Variants in FSTL5 observed in about 807,000 individuals in gnomAD.
FSTL5 encodes the protein follistatin like 5.
A neutral mutation model predicts 89.1 loss-of-function variants in FSTL5; 62 were observed. The ratio of observed to expected loss-of-function variants is 0.70; its 90% CI spans 0.57 to 0.86. The LOEUF is 0.86. FSTL5 is among the 40% of genes least tolerant of loss of function. The pLI is 0.00. For missense variants in FSTL5, 1,057 were observed against 1,001.6 expected, an observed-to-expected ratio of 1.06 and a Z score of -0.75; for synonymous variants, 383 against 346.2, an observed-to-expected ratio of 1.11 and a Z score of -1.18.
intron 2 of FSTL5, among the ~76,000 whole-genome samples, chr4:162,066,367 TCTTCTC>T (rs1561000600): frequency 3.1e-4 from 43 of 136,556 alleles, no homozygotes; most frequent in East Asian, 1.5e-3. Flanking sequence ...TTCTTCTTCT[TCTTCTC>T]CTTCTTCTTC....
chr4:161,505,477 A>G (rs4518198), intron 11 of FSTL5, among the ~76,000 whole-genome samples: 39,824 of 152,064 alleles, frequency 0.26, 6,078 homozygotes, highest in South Asian at 0.42. Context: ...CACTATGTAT[A>G]TTGGCCAGAG....
chr4:161,799,447 A>G (rs1729730828), intron 4 of FSTL5, among the ~76,000 whole-genome samples: 1 of 151,536 alleles, frequency 6.6e-6, no homozygotes, highest in African/African-American at 2.4e-5. Context: ...AAAATACATG[A>G]AAAAAAATAA....
chr4:161,698,564 C>A (rs1197757308), intron 6 of FSTL5, among the ~76,000 whole-genome samples: 1 of 151,998 alleles, frequency 6.6e-6, no homozygotes, highest in African/African-American at 2.4e-5. Context: ...GATAGCTAAA[C>A]CTAAAAATTG....
intron 6 of FSTL5, among the ~76,000 whole-genome samples, chr4:161,731,807 A>G (rs1739621814): frequency 6.6e-6 from 1 of 151,606 alleles, no homozygotes; most frequent in Non-Finnish European, 1.5e-5. Flanking sequence ...TGATTAATCC[A>G]TTTTGTTGTG....
intron 8 of FSTL5, among the ~76,000 whole-genome samples, chr4:161,547,194 C>T (rs747810777): frequency 4.6e-5 from 7 of 151,992 alleles, no homozygotes; most frequent in Non-Finnish European, 7.4e-5. Flanking sequence ...GTAGTTATGC[C>T]AGCCGCAATC....
At chr4:162,013,339 C>T (rs1397789804) in intron 3 of FSTL5, among the ~76,000 whole-genome samples, 2 of 152,138 alleles carry the variant, frequency 1.3e-5, no homozygotes, top group Admixed American at 6.5e-5. Flanking sequence ...GAACTTTCTT[C>T]CTCTCCTGAT....
intron 2 of FSTL5, among the ~76,000 whole-genome samples, chr4:162,089,778 A>G (rs1195380958): frequency 2.0e-5 from 3 of 152,142 alleles, no homozygotes; most frequent in African/African-American, 7.2e-5. Context: ...CAAAATGGCT[A>G]GTCTTCCCAA....
rs1237988083 is a variant in FSTL5, at chr4:161,573,467, G to A, written c.1015+13988C>T. On this transcript the variant is annotated intron_variant, in intron 8 of 15. Transcript: ENST00000306100. Reference sequence around the variant, plus strand: ...GATAAAAGAAAATAAAGCCAGGAGCGGTGGCTCACGCCTGTAATCCCAGCA... The same window carrying A: ...GATAAAAGAAAATAAAGCCAGGAGCAGTGGCTCACGCCTGTAATCCCAGCA... Among the ~76,000 whole-genome samples, 11 of 150,556 alleles carry A rather than the reference G, an allele frequency of 7.3e-5. No individual in the cohort carries two copies. In the East Asian group the frequency reaches 7.8e-4, roughly 11 times the overall value.
intron 2 of FSTL5, among the ~76,000 whole-genome samples, chr4:162,091,884 A>G (rs1464714105): frequency 6.6e-6 from 1 of 151,436 alleles, no homozygotes; most frequent in Non-Finnish European, 1.5e-5. Flanking sequence ...GAAATTATAT[A>G]TATTCCTCTA....
At chr4:161,881,698 T>C (rs1172130196) in intron 4 of FSTL5, among the ~76,000 whole-genome samples, 2 of 152,094 alleles carry the variant, frequency 1.3e-5, no homozygotes, top group African/African-American at 4.8e-5. Context: ...GTTTTGCTTT[T>C]ATGGAAAACA....
chr4:161,445,285 T>C (rs1483697644), intron 15 of FSTL5, among the ~76,000 whole-genome samples: 1 of 151,910 alleles, frequency 6.6e-6, no homozygotes, highest in East Asian at 1.9e-4. Context: ...TTCTCATATA[T>C]CTAGTTCACT....
At chr4:161,655,210 ACAGT>A (rs1736474051) in intron 7 of FSTL5, among the ~76,000 whole-genome samples, 3 of 152,124 alleles carry the variant, frequency 2.0e-5, no homozygotes, top group African/African-American at 4.8e-5. Flanking sequence ...AGATATTCTG[ACAGT>A]CAGATCTTTG....
At chr4:161,963,163 C>A (rs359507) in intron 3 of FSTL5, among the ~76,000 whole-genome samples, 26 of 151,770 alleles carry the variant, frequency 1.7e-4, no homozygotes, top group African/African-American at 6.3e-4. Flanking sequence ...AAAACAGTTA[C>A]TGCTTTTTTT....
rs2110861408 is a variant in FSTL5 at position 161,386,302 on chromosome 4, A to G, written c.1989T>C (p.Ile663=). 1 of 1,613,984 alleles carries G rather than the reference A, an allele frequency of 6.2e-7. No individual in the cohort carries two copies. Among genetic ancestry groups the G allele is most frequent in the South Asian group, 1.1e-5 (1 of 91,074 alleles). The stretch of plus-strand genomic sequence containing the variant: ...CTCCGGTGCTGTCAGGTTTGCAGCC[A>G]ATGAAGTAGTAGCCTCCCAAGTGTG... ...AYTHLGGYYF[I]GCKPDSTGAV... The change falls in exon 16 of 16, where the codon ATT becomes ATC. Residue 663 remains isoleucine, a synonymous_variant. Transcript: ENST00000306100.
chr4:161,587,731 C>G (rs376697831), intron 7 of FSTL5, among the ~76,000 whole-genome samples, 156 bp from the exon 8 acceptor site: 22 of 152,092 alleles, frequency 1.4e-4, no homozygotes, highest in African/African-American at 4.3e-4. Context: ...CGTAAAGGAT[C>G]TGTAATTATA....
At chr4:161,846,541 A>G (rs1404584522) in intron 4 of FSTL5, among the ~76,000 whole-genome samples, 1 of 152,200 alleles carries the variant, frequency 6.6e-6, no homozygotes, top group Non-Finnish European at 1.5e-5. Flanking sequence ...CTATATGAAT[A>G]GTAACTTACT....
intron 4 of FSTL5, among the ~76,000 whole-genome samples, chr4:161,838,563 C>T (rs1731119762): frequency 1.3e-5 from 2 of 152,100 alleles, no homozygotes; most frequent in Non-Finnish European, 2.9e-5. Context: ...GGATTACAGA[C>T]GTGAGCCACC....
At chr4:161,860,149 G>A (rs572441577) in intron 4 of FSTL5, among the ~76,000 whole-genome samples, 4 of 151,998 alleles carry the variant, frequency 2.6e-5, no homozygotes, top group East Asian at 3.9e-4. Context: ...TTAGCCGGGC[G>A]TGGTGGCGGG....
At chr4:161,603,997 A>T (rs146665712) in intron 7 of FSTL5, among the ~76,000 whole-genome samples, 2,283 of 152,232 alleles carry the variant, frequency 0.015, 56 homozygotes, top group African/African-American at 0.05. Context: ...GATCAATAAC[A>T]AATAAATGCA....
Sources: allele counts gnomAD v4.1 joint callset (sites outside exome capture counted in the v4.1 genomes callset), GRCh38; gene constraint gnomAD v4.1.1; transcripts MANE v1.5; gene names NCBI Gene and HGNC (gene_info 2026-07-23, HGNC 2026-07-21).